Variants in GLRB observed in about 807,000 individuals in gnomAD.
GLRB encodes glycine receptor beta.
GLRB carries 33 observed loss-of-function variants against 54.2 expected under a neutral mutation model. That is an observed-to-expected ratio of 0.61 (90% CI 0.46 to 0.81). GLRB has a LOEUF of 0.81. Ranked by LOEUF, GLRB falls within the 40% of genes least tolerant of loss-of-function variation. The pLI is 0.00. For missense variants in GLRB, 572 were observed against 584.6 expected (o/e 0.98, Z 0.22); for synonymous variants, 209 against 208.2 (o/e 1.00, Z -0.03).
chr4:157,108,868 T>C (rs1735317957), intron 2 of GLRB, among the ~76,000 whole-genome samples: 1 of 152,046 alleles, frequency 6.6e-6, no homozygotes, highest in South Asian at 2.1e-4. Context: ...TTTTGTCTAT[T>C]TTAAGAAATT....
chr4:157,153,125 C>A, intron 9 of GLRB, 115 bp downstream of exon 9: 1 of 938,492 alleles, frequency 1.1e-6, no homozygotes, highest in Non-Finnish European at 1.7e-6. Flanking sequence ...GCTTGTTTTT[C>A]TCTCACAGAT....
In GLRB at chr4:157,097,936, T is replaced by G. The variant is rs139806249; in HGVS notation, c.122+19790T>G. ...CTTGGGAGGCTGAGGCAGGAGAATC[T>G]CTTGAACCTGGGAGGCGGAGGTTGC... is the stretch of plus-strand genomic sequence containing the variant. On this transcript the variant is annotated intron_variant, in intron 2 of 9. Coordinates refer to ENST00000264428, the MANE Select transcript of GLRB (RefSeq NM_000824.5). Among the ~76,000 whole-genome samples the G allele has an allele frequency of 7.8e-3, 1,184 of 152,074 alleles. 23 individuals are homozygous for G. In the East Asian group the frequency reaches 0.1, roughly 13 times the overall value.
At chr4:157,159,761 T>C (rs1298034346) in intron 9 of GLRB, among the ~76,000 whole-genome samples, 1 of 152,174 alleles carries the variant, frequency 6.6e-6, no homozygotes, top group Non-Finnish European at 1.5e-5. Context: ...ATTTTGGCAT[T>C]GATGTTCATC....
chr4:157,170,842 G>A lies in GLRB; in HGVS notation c.*114G>A, dbSNP rs1213877165. 5 of 615,836 alleles carry A rather than the reference G, an allele frequency of 8.1e-6. No individual in the cohort carries two copies. The highest frequency in any genetic ancestry group is 4.1e-4 in the Middle Eastern group (1 of 2,418). 38.1% of individuals were successfully genotyped at this position (615,836 alleles called of 1,614,324 possible). A position where few individuals can be genotyped will look rare whatever the true frequency, so the allele number is the denominator to read the frequency against. On this transcript the variant is annotated 3_prime_UTR_variant, in exon 10 of 10. Coordinates refer to ENST00000264428, the MANE Select transcript of GLRB (RefSeq NM_000824.5). ...TTCATAGCAACATTGCATTTTGGAT[G>A]CCATTTGATTGTAATAAAACTGTGG...
intron 2 of GLRB, among the ~76,000 whole-genome samples, chr4:157,111,031 C>T (rs1221955270): frequency 2.0e-5 from 3 of 151,726 alleles, no homozygotes; most frequent in Non-Finnish European, 4.4e-5. Flanking sequence ...GTGTTGAGCT[C>T]GGGTAGCATC....
At chr4:157,163,953 C>T (rs535972601) in intron 9 of GLRB, among the ~76,000 whole-genome samples, 18 of 152,074 alleles carry the variant, frequency 1.2e-4, no homozygotes, top group Non-Finnish European at 1.8e-4. Context: ...CTATGCTTTT[C>T]GAGGCCCTCA....
intron 2 of GLRB, among the ~76,000 whole-genome samples, chr4:157,106,558 A>G (rs966365988): frequency 6.6e-6 from 1 of 152,120 alleles, no homozygotes; most frequent in Non-Finnish European, 1.5e-5. Flanking sequence ...ATAATAAAAC[A>G]GCAGAAGATA....
intron 2 of GLRB, among the ~76,000 whole-genome samples, chr4:157,118,256 T>C (rs958346683): frequency 2.6e-5 from 4 of 151,720 alleles, no homozygotes; most frequent in African/African-American, 9.7e-5. Context: ...ATAACAGCAG[T>C]CCTGAATTGA....
chr4:157,141,252 T>C (rs1736598563), intron 7 of GLRB, among the ~76,000 whole-genome samples: 1 of 151,936 alleles, frequency 6.6e-6, no homozygotes, highest in African/African-American at 2.4e-5. Context: ...CAATATTTTT[T>C]GGCACTTAGT....
Position 157,143,870 on chromosome 4 carries a change from G to C in GLRB, c.815G>C (p.Gly272Ala). 2.5e-6 allele frequency: 4 copies of C among 1,613,774 alleles called. No individual in the cohort carries two copies. The highest frequency in any genetic ancestry group is 3.4e-6 in the Non-Finnish European group (4 of 1,179,878). Residue 272 changes from glycine (G) to alanine (A), a missense_variant, in exon 8 of 10, where the codon GGG becomes GCG. Transcript: ENST00000264428. The stretch of plus-strand genomic sequence containing the variant: ...AGGCAGGTCGGCTTTTACATGATGG[G>C]GGTCTACGCCCCAACTCTGCTCATT... ...LRRQVGFYMM[G>A]VYAPTLLIVV...
chr4:157,083,713 G>C, intron 2 of GLRB, among the ~76,000 whole-genome samples: 1 of 151,840 alleles, frequency 6.6e-6, no homozygotes, highest in African/African-American at 2.4e-5. Flanking sequence ...TTATTTTAGG[G>C]GAATTGACTT....
intron 2 of GLRB, among the ~76,000 whole-genome samples, chr4:157,114,241 A>G (rs1735523038): frequency 6.6e-6 from 1 of 151,774 alleles, no homozygotes; most frequent in South Asian, 2.1e-4. Context: ...TGTGATTATT[A>G]TATACATAGT....
intron 8 of GLRB, among the ~76,000 whole-genome samples, chr4:157,151,539 A>ATATTGTT (rs1404156468): frequency 6.6e-6 from 1 of 152,076 alleles, no homozygotes; most frequent in East Asian, 1.9e-4. Flanking sequence ...TATATATTGA[A>ATATTGTT]TATTGTTTTC....
intron 3 of GLRB, among the ~76,000 whole-genome samples, chr4:157,121,425 A>C (rs1735814356): frequency 6.6e-6 from 1 of 151,268 alleles, no homozygotes; most frequent in Non-Finnish European, 1.5e-5. Flanking sequence ...GACAGGTATT[A>C]ATGTAGATCA....
At chr4:157,114,463 T>A (rs1196905732) in intron 2 of GLRB, among the ~76,000 whole-genome samples, 7 of 151,844 alleles carry the variant, frequency 4.6e-5, no homozygotes, top group Non-Finnish European at 1.0e-4. Flanking sequence ...TTTTTATTTT[T>A]CTTTAGTATG....
chr4:157,085,009 AT>A (rs1232800409), intron 2 of GLRB, among the ~76,000 whole-genome samples: 1 of 152,086 alleles, frequency 6.6e-6, no homozygotes, highest in African/African-American at 2.4e-5. Context: ...TCTAGATTGA[AT>A]TTTTCACTGA....
In GLRB at chr4:157,078,030, GT is replaced by G; in HGVS notation, c.11del (p.Leu4TyrfsTer2). 1 of 1,610,120 alleles carries G rather than the reference GT, an allele frequency of 6.2e-7. No individual in the cohort carries two copies. On this transcript the variant is annotated frameshift_variant, in exon 2 of 10. Coordinates refer to ENST00000264428, the MANE Select transcript of GLRB (RefSeq NM_000824.5). LOFTEE classifies it high-confidence loss of function. MKFLLTTAFLILI... is the reference protein window; with the variant it reads MKXLLTTAFLILI... ...CTGAAATTCAAGTTTTCAAGATGAAGTTTTTATTGACAACTGCCTTTTTAAT... is the reference window on the plus strand; with the variant it reads ...CTGAAATTCAAGTTTTCAAGATGAAGTTTTATTGACAACTGCCTTTTTAAT...
intron 4 of GLRB, among the ~76,000 whole-genome samples, chr4:157,126,122 A>G (rs1460292172): frequency 6.6e-6 from 1 of 151,934 alleles, no homozygotes; most frequent in Non-Finnish European, 1.5e-5. Context: ...TCATCAGTGG[A>G]TAATGTTGAT....
At chr4:157,104,477 G>A (rs1240185987) in intron 2 of GLRB, among the ~76,000 whole-genome samples, 2 of 150,784 alleles carry the variant, frequency 1.3e-5, no homozygotes, top group Non-Finnish European at 3.0e-5. Flanking sequence ...TGTTTAGGAG[G>A]TTTGCATCTT....
Sources: gnomAD v4.1 joint callset for allele counts (sites outside exome capture counted in the v4.1 genomes callset) on GRCh38, gnomAD v4.1.1 for gene constraint, MANE v1.5 for transcripts, NCBI Gene and HGNC (gene_info 2026-07-23, HGNC 2026-07-21) for gene names.